The following TNN variants were observed in gnomAD, a reference collection of about 807,000 sequenced individuals.
The protein encoded by TNN is tenascin-N.
Under a neutral mutation model 134.4 loss-of-function variants are expected in TNN, and 122 were observed. That is an observed-to-expected ratio of 0.91 (90% CI 0.78 to 1.06). The LOEUF is 1.06. TNN is among the 50% of genes least tolerant of loss of function. The pLI is 0.00. For missense variants in TNN, 1,739 were observed against 1,699.4 expected (o/e 1.02, Z -0.41); for synonymous variants, 710 against 670.3 (o/e 1.06, Z -0.91).
At chr1:175,079,051 G>C (rs1674123201) in intron 2 of TNN, among the ~76,000 whole-genome samples, 1 of 152,166 alleles carries the variant, frequency 6.6e-6, no homozygotes, top group Non-Finnish European at 1.5e-5. Flanking sequence ...GAAGGGAAAG[G>C]AAAGAAGGGT....
At chr1:175,135,774 G>A in intron 15 of TNN, 71 bp from the exon 16 acceptor site, 1 of 1,227,442 alleles carries the variant, frequency 8.1e-7, no homozygotes, top group Non-Finnish European at 1.2e-6. Flanking sequence ...GCAAGCTCTT[G>A]GTCTTCTCTT....
chr1:175,143,786 T>C (rs1231070216), intron 17 of TNN, among the ~76,000 whole-genome samples: 1 of 152,168 alleles, frequency 6.6e-6, no homozygotes, highest in Non-Finnish European at 1.5e-5. Context: ...TGAAGTAGAC[T>C]GTTAGGCCTG....
intron 18 of TNN, 51 bp downstream of exon 18, chr1:175,144,601 C>T: frequency 1.9e-6 from 3 of 1,575,324 alleles, no homozygotes; most frequent in Non-Finnish European, 2.6e-6. Context: ...CCATATTCAG[C>T]TTCCAAATGG....
At chr1:175,114,581 C>A (rs987763719) in intron 9 of TNN, among the ~76,000 whole-genome samples, 1 of 152,118 alleles carries the variant, frequency 6.6e-6, no homozygotes, top group African/African-American at 2.4e-5. Context: ...TCTTGTGAAC[C>A]TATAGTGGCA....
intron 12 of TNN, among the ~76,000 whole-genome samples, chr1:175,125,701 C>T (rs5778833): frequency 2.9e-5 from 3 of 102,158 alleles, no homozygotes; most frequent in Admixed American, 1.0e-4. Flanking sequence ...TCTCTTTTTT[C>T]TCTCTTTCTT....
chr1:175,116,729 G>T (rs994357150), intron 9 of TNN, among the ~76,000 whole-genome samples: 3 of 152,198 alleles, frequency 2.0e-5, no homozygotes, highest in Admixed American at 1.3e-4. Context: ...TTTGGATTTA[G>T]TTCTCATACC....
At chr1:175,114,940 A>G (rs914134373) in intron 9 of TNN, among the ~76,000 whole-genome samples, 1 of 152,098 alleles carries the variant, frequency 6.6e-6, no homozygotes, top group Non-Finnish European at 1.5e-5. Context: ...AGCAGCAAGC[A>G]TCCCAAAATA....
intron 1 of TNN, among the ~76,000 whole-genome samples, chr1:175,070,635 A>G (rs955482843): frequency 1.3e-5 from 2 of 152,252 alleles, no homozygotes; most frequent in African/African-American, 2.4e-5. Flanking sequence ...TCCTATATGC[A>G]ATCCTATATT....
chr1:175,101,596 G>C (rs953208530), intron 9 of TNN, among the ~76,000 whole-genome samples: 2 of 149,654 alleles, frequency 1.3e-5, no homozygotes, highest in African/African-American at 4.9e-5. Context: ...GCGCTGATTG[G>C]TGCGTTTACA....
rs1413950824 is a variant in TNN, at chr1:175,107,314, C to T, written c.2119+8719C>T. 3.5e-5 allele frequency among the ~76,000 whole-genome samples: 5 copies of T among 141,708 alleles called. 1 individual carries two copies. The highest frequency in any genetic ancestry group is 1.3e-4 in the African/African-American group (5 of 39,632). 93.0% of individuals were successfully genotyped at this position (141,708 alleles called of 152,430 possible). A position where few individuals can be genotyped will look rare whatever the true frequency, so the allele number is the denominator to read the frequency against. ...CAGACCTTCGTGGTGAGTGTTACAG[C>T]TCTTAAGGTGGCGCATCTGGAGTCT... On this transcript the variant is annotated intron_variant, in intron 9 of 18. Transcript: ENST00000239462.
intron 9 of TNN, among the ~76,000 whole-genome samples, chr1:175,114,552 G>T (rs1675114367): frequency 6.6e-6 from 1 of 152,202 alleles, no homozygotes; most frequent in Non-Finnish European, 1.5e-5. Flanking sequence ...GTGGGGCAAG[G>T]TCTTACTTAG....
At chr1:175,075,367 G>A (rs1352712191) in intron 1 of TNN, among the ~76,000 whole-genome samples, 2 of 152,052 alleles carry the variant, frequency 1.3e-5, no homozygotes, top group East Asian at 1.9e-4. Context: ...GCATGGTCTC[G>A]GCTCACTGCA....
Position 175,146,910 on chromosome 1 carries a change from CTTTT to C in TNN, c.3760-9_3760-6del, listed in dbSNP as rs11450833. On this transcript the variant is annotated splice_polypyrimidine_tract_variant and intron_variant, in intron 18 of 18. Coordinates refer to ENST00000239462, the MANE Select transcript of TNN (RefSeq NM_022093.2). ...TCCTAAGAGCCTCTTCTTGATGTGG[CTTTT>C]TTTTTTTTTTTGGTAGGGGGTGAAC... 195 of 1,339,604 alleles carry C rather than the reference CTTTT, an allele frequency of 1.5e-4. No individual in the cohort carries two copies. Among genetic ancestry groups the C allele is most frequent in the South Asian group, 6.7e-4 (38 of 56,928 alleles). The allele number at this position is 1,339,604 out of a possible 1,614,324, so 83.0% of individuals were successfully genotyped here.
At chr1:175,108,534 C>A (rs1456866107) in intron 9 of TNN, among the ~76,000 whole-genome samples, 1 of 152,234 alleles carries the variant, frequency 6.6e-6, no homozygotes, top group Non-Finnish European at 1.5e-5. Flanking sequence ...GAGGCTCGGG[C>A]TGCACAGGAA....
At chr1:175,107,394 G>T (rs149673301) in intron 9 of TNN, among the ~76,000 whole-genome samples, 3,713 of 143,656 alleles carry the variant, frequency 0.026, 357 homozygotes, top group African/African-American at 0.088. Flanking sequence ...TGGGTTCGTG[G>T]TCTCGCTGGC....
chr1:175,112,598 C>CTATTTTTTTT (rs1675058784), intron 9 of TNN, among the ~76,000 whole-genome samples: 1 of 21,974 alleles, frequency 4.6e-5, no homozygotes, highest in Non-Finnish European at 8.3e-5. Flanking sequence ...GCCGGCCGAT[C>CTATTTTTTTT]TTTTTTTTTT....
At chr1:175,072,986 A>G (rs1673955753) in intron 1 of TNN, among the ~76,000 whole-genome samples, 1 of 90,998 alleles carries the variant, frequency 1.1e-5, no homozygotes, top group South Asian at 3.8e-4. Flanking sequence ...AACCATCTGC[A>G]CTTCATTTAT....
At chr1:175,132,675 T>C (rs979119236) in intron 15 of TNN, among the ~76,000 whole-genome samples, 1 of 152,218 alleles carries the variant, frequency 6.6e-6, no homozygotes, top group Non-Finnish European at 1.5e-5. Context: ...TGTTTTACCA[T>C]GAGCTGGCTG....
chr1:175,073,508 A>G (rs1558345260), intron 1 of TNN, among the ~76,000 whole-genome samples: 1 of 152,126 alleles, frequency 6.6e-6, no homozygotes, highest in Non-Finnish European at 1.5e-5. Flanking sequence ...AAGCAAGTCC[A>G]TTTCAGTATT....
Sources: allele counts gnomAD v4.1 joint callset (sites outside exome capture counted in the v4.1 genomes callset), GRCh38; gene constraint gnomAD v4.1.1; transcripts MANE v1.5; gene names NCBI Gene and HGNC (gene_info 2026-07-23, HGNC 2026-07-21).